The following CCDC171 variants were observed in gnomAD, a reference collection of about 807,000 sequenced individuals.
CCDC171 encodes coiled-coil domain-containing protein 171.
In CCDC171, 177 loss-of-function variants were observed where a neutral mutation model predicts 168.2. The ratio of observed to expected loss-of-function variants is 1.05; its 90% confidence interval spans 0.93 to 1.19. The LOEUF is 1.19. Among genes scored for constraint, CCDC171 ranks in the 50% most tolerant of loss-of-function variants. The pLI is 0.00. For missense variants in CCDC171, 1,991 were observed against 1,539.0 expected (o/e 1.29, Z -4.91); for synonymous variants, 687 against 540.8 (o/e 1.27, Z -3.75).
chr9:15,685,271 C>T (rs559340811), intron 10 of CCDC171, among the ~76,000 whole-genome samples: 71 of 152,220 alleles, frequency 4.7e-4, no homozygotes, highest in African/African-American at 1.6e-3. Context: ...TGTTTTCATT[C>T]TCAAATTCCT....
chr9:15,901,045 A>G (rs1589049588), intron 24 of CCDC171, among the ~76,000 whole-genome samples: 1 of 152,190 alleles, frequency 6.6e-6, no homozygotes, highest in African/African-American at 2.4e-5. Context: ...AATAACTTAT[A>G]TATGTGTTGT....
In CCDC171 at chr9:15,823,756, C is replaced by T. The variant is rs374182435; in HGVS notation, c.3268-22946C>T. On this transcript the variant is annotated intron_variant, in intron 21 of 25. Coordinates refer to ENST00000380701, the MANE Select transcript of CCDC171 (RefSeq NM_173550.4). ...AAATTCTAATTTTAATTTGTCATAG[C>T]AGGAGATTTTTGTATTTTATATTGA... is the stretch of plus-strand genomic sequence containing the variant. 4.6e-5 allele frequency among the ~76,000 whole-genome samples: 7 copies of T among 151,944 alleles called. No homozygotes were observed. The East Asian group carries it at 1.2e-3, about 25-fold the overall frequency.
intron 6 of CCDC171, among the ~76,000 whole-genome samples, chr9:15,610,723 A>G (rs1055608829): frequency 5.9e-5 from 9 of 151,858 alleles, no homozygotes; most frequent in Non-Finnish European, 1.3e-4. Context: ...ATACCTGGCT[A>G]ATTTTTTCTG....
chr9:15,799,499 G>A (rs936677092), intron 21 of CCDC171, among the ~76,000 whole-genome samples: 1 of 151,334 alleles, frequency 6.6e-6, no homozygotes, highest in Non-Finnish European at 1.5e-5. Context: ...AACTTAATAG[G>A]GTATGTGTAT....
intron 6 of CCDC171, among the ~76,000 whole-genome samples, chr9:16,034,509 G>T (rs921693223): frequency 2.6e-5 from 4 of 152,154 alleles, no homozygotes; most frequent in Non-Finnish European, 5.9e-5. Context: ...ACAACTGCAG[G>T]AGACACTGTT....
chr9:15,957,021 C>T (rs953469437), intron 25 of CCDC171, among the ~76,000 whole-genome samples: 6 of 139,882 alleles, frequency 4.3e-5, no homozygotes, highest in African/African-American at 1.7e-4. Context: ...CTTTAATCAT[C>T]TAGAAGTCTG....
chr9:16,010,387 A>G (rs1412041374), intron 3 of CCDC171, among the ~76,000 whole-genome samples: 5 of 152,144 alleles, frequency 3.3e-5, no homozygotes, highest in Admixed American at 2.0e-4. Context: ...TTTTGCAGGG[A>G]TATACGTGCA....
intron 10 of CCDC171, among the ~76,000 whole-genome samples, chr9:15,690,151 C>T (rs903338347): frequency 3.3e-5 from 5 of 152,070 alleles, no homozygotes; most frequent in African/African-American, 1.2e-4. Context: ...GTGGGTGTGG[C>T]ACATCTTTTA....
At chr9:16,076,532 G>C in the CCDC171 span, among the ~76,000 whole-genome samples, 2 of 152,146 alleles carry the variant, frequency 1.3e-5, no homozygotes, top group Non-Finnish European at 2.9e-5. Flanking sequence ...TGGTGGTCCT[G>C]TGCTGAGCTC....
Position 16,013,705 on chromosome 9 carries a change from A to G in CCDC171, n.369-6884A>G, listed in dbSNP as rs114220432. 9.9e-3 allele frequency among the ~76,000 whole-genome samples: 1,504 copies of G among 152,368 alleles called. 20 individuals carry two copies. The highest frequency in any genetic ancestry group is 0.035 in the African/African-American group (1,440 of 41,568). ...CCACCAGACTAAAGTGAATACCACAATAAAGTGAGTCACAGATAATTTTTA... is the reference window on the plus strand; with the variant it reads ...CCACCAGACTAAAGTGAATACCACAGTAAAGTGAGTCACAGATAATTTTTA... On this transcript the variant is annotated intron_variant and non_coding_transcript_variant, in intron 3 of 9. Coordinates refer to the CCDC171 transcript ENST00000486641.
At chr9:15,985,341 C>G (rs1589297298) in intron 3 of CCDC171, among the ~76,000 whole-genome samples, 1 of 152,112 alleles carries the variant, frequency 6.6e-6, no homozygotes, top group East Asian at 1.9e-4. Flanking sequence ...CACACTGATC[C>G]TTTAGTCAGA....
At position 15,919,502 on chromosome 9, in the gene CCDC171, T is replaced by C. The variant is rs78756566; in HGVS notation, c.3601-768T>C. The stretch of plus-strand genomic sequence containing the variant: ...ATTATTTTTGAAAATGTCTTTGAAA[T>C]ATGGGATTTATTTTGCTATATTTGA... On this transcript the variant is annotated intron_variant, in intron 24 of 25. Transcript: ENST00000380701. 6.2e-3 allele frequency among the ~76,000 whole-genome samples: 944 copies of C among 151,786 alleles called. 3 individuals are homozygous for C. The highest frequency in any genetic ancestry group is 0.01 in the Non-Finnish European group (705 of 67,670).
chr9:15,618,965 C>T (rs1316547781), intron 6 of CCDC171, among the ~76,000 whole-genome samples: 4 of 152,062 alleles, frequency 2.6e-5, no homozygotes, highest in African/African-American at 4.8e-5. Context: ...CATCGTGGCC[C>T]CTCCCCGCCC....
chr9:15,825,746 T>G (rs2059985094), intron 21 of CCDC171, among the ~76,000 whole-genome samples: 1 of 152,124 alleles, frequency 6.6e-6, no homozygotes, highest in Non-Finnish European at 1.5e-5. Flanking sequence ...TTGCAATAAT[T>G]CTAGAAGTGT....
chr9:15,861,089 T>C (rs1333282238), intron 23 of CCDC171, among the ~76,000 whole-genome samples: 2 of 151,844 alleles, frequency 1.3e-5, no homozygotes, highest in Admixed American at 6.6e-5. Context: ...TATAAATATA[T>C]CCACTCCTAC....
intron 11 of CCDC171, among the ~76,000 whole-genome samples, chr9:15,704,862 C>G (rs1201331689): frequency 1.3e-5 from 2 of 152,088 alleles, no homozygotes; most frequent in East Asian, 1.9e-4. Flanking sequence ...CCTAATGCCT[C>G]TAACCCTGGC....
At chr9:15,582,132 C>T (rs1030328546) in intron 4 of CCDC171, among the ~76,000 whole-genome samples, 5 of 152,196 alleles carry the variant, frequency 3.3e-5, no homozygotes, top group Non-Finnish European at 4.4e-5. Context: ...TGAACAGACA[C>T]TTCTCAAAAG....
At chr9:15,897,097 A>G (rs1233285710) in intron 24 of CCDC171, among the ~76,000 whole-genome samples, 2 of 151,996 alleles carry the variant, frequency 1.3e-5, no homozygotes, top group South Asian at 2.1e-4. Context: ...CTCATTCAGA[A>G]TTAGAATTTA....
chr9:16,026,707 C>T (rs1371634451), intron 6 of CCDC171, among the ~76,000 whole-genome samples: 2 of 152,058 alleles, frequency 1.3e-5, no homozygotes, highest in Non-Finnish European at 2.9e-5. Context: ...TAAGGGGTTA[C>T]TGGTAATAGG....
Sources: allele counts gnomAD v4.1 joint callset (sites outside exome capture counted in the v4.1 genomes callset), GRCh38; gene constraint gnomAD v4.1.1; transcripts MANE v1.5; gene names NCBI Gene and HGNC (gene_info 2026-07-23, HGNC 2026-07-21).